MAF: variants seen among roughly 807,000 people sequenced by gnomAD.
The protein encoded by MAF is MAF bZIP transcription factor, also known as transcription factor Maf.
A neutral mutation model predicts 22.0 loss-of-function variants in MAF; 10 were observed. The observed-to-expected ratio is 0.45, with a 90% CI of 0.28 to 0.77. The LOEUF is 0.77. MAF is among the 30% of genes least tolerant of loss of function. The pLI, the probability that MAF is intolerant of heterozygous loss-of-function variation, is 0.12. For missense variants in MAF, 544 were observed against 548.4 expected (o/e 0.99, Z 0.08); for synonymous variants, 337 against 255.8 (o/e 1.32, Z -3.03).
chr16:79,439,256 A>T, the MAF span, among the ~76,000 whole-genome samples: 9 of 141,370 alleles, frequency 6.4e-5, no homozygotes, highest in Non-Finnish European at 9.2e-5. Context: ...GTAGGTACTT[A>T]CTTTTTTTTT....
chr16:79,255,948 A>G, the MAF span, among the ~76,000 whole-genome samples: 1 of 103,668 alleles, frequency 9.6e-6, no homozygotes, highest in African/African-American at 6.2e-5. Flanking sequence ...AGATGTCTTT[A>G]TCTTTTCTTT....
chr16:79,217,745 AG>A, the MAF span, among the ~76,000 whole-genome samples: 1 of 152,276 alleles, frequency 6.6e-6, no homozygotes, highest in East Asian at 1.9e-4. Context: ...CACCTGATTA[AG>A]GGAGACCTTG....
At chr16:79,494,157 G>A in the MAF span, among the ~76,000 whole-genome samples, 3 of 152,160 alleles carry the variant, frequency 2.0e-5, no homozygotes, top group African/African-American at 7.2e-5. Flanking sequence ...GAACTTTGTG[G>A]TGAAAAGCAA....
At chr16:79,467,733 C>T in the MAF span, among the ~76,000 whole-genome samples, 1 of 152,084 alleles carries the variant, frequency 6.6e-6, no homozygotes, top group East Asian at 1.9e-4. Context: ...TAACAAGCCC[C>T]CCAGTGATGC....
At chr16:79,392,823 C>T in the MAF span, among the ~76,000 whole-genome samples, 1 of 152,148 alleles carries the variant, frequency 6.6e-6, no homozygotes, top group Non-Finnish European at 1.5e-5. Context: ...GTTGCTTAAA[C>T]ACCTCTCAGG....
the MAF span, among the ~76,000 whole-genome samples, chr16:79,565,773 A>G: frequency 6.6e-6 from 1 of 152,220 alleles, no homozygotes; most frequent in Non-Finnish European, 1.5e-5. Context: ...GTTTATTAGT[A>G]TAAGAATGGA....
the MAF span, among the ~76,000 whole-genome samples, chr16:79,571,523 C>T: frequency 7.3e-5 from 10 of 136,148 alleles, no homozygotes; most frequent in Admixed American, 5.8e-4. Context: ...AAAAACATCT[C>T]AGCGGAATTT....
chr16:79,257,445 G>C, the MAF span, among the ~76,000 whole-genome samples: 1 of 152,026 alleles, frequency 6.6e-6, no homozygotes, highest in African/African-American at 2.4e-5. Context: ...ATTATCCTAA[G>C]GAAATAAAGA....
the MAF span, among the ~76,000 whole-genome samples, chr16:79,336,250 A>G: frequency 2.6e-5 from 4 of 152,238 alleles, no homozygotes; most frequent in Non-Finnish European, 5.9e-5. Context: ...ACATAAATGC[A>G]TTATAGACAC....
At chr16:79,377,905 G>T in the MAF span, among the ~76,000 whole-genome samples, 2 of 152,126 alleles carry the variant, frequency 1.3e-5, no homozygotes, top group Non-Finnish European at 2.9e-5. Context: ...TTTGGTACCA[G>T]TACCATGCTG....
the MAF span, among the ~76,000 whole-genome samples, chr16:79,533,066 G>C: frequency 6.6e-6 from 1 of 152,156 alleles, no homozygotes; most frequent in Non-Finnish European, 1.5e-5. Flanking sequence ...GGGTAACTTA[G>C]TGTCTTAGTT....
chr16:79,454,933 C>A, the MAF span, among the ~76,000 whole-genome samples: 3 of 152,030 alleles, frequency 2.0e-5, no homozygotes, highest in East Asian at 5.8e-4. Context: ...CCCATCTTTA[C>A]TAAAAATACA....
At chr16:79,356,500 C>T in the MAF span, among the ~76,000 whole-genome samples, 1 of 152,146 alleles carries the variant, frequency 6.6e-6, no homozygotes, top group Admixed American at 6.5e-5. Flanking sequence ...ACGTGCCTTC[C>T]ATCTCCTCAA....
the MAF span, among the ~76,000 whole-genome samples, chr16:79,439,365 C>T: frequency 2.6e-5 from 4 of 150,984 alleles, no homozygotes; most frequent in South Asian, 2.1e-4. Context: ...GGGTTCATGC[C>T]GTTCTCCTGT....
the MAF span, among the ~76,000 whole-genome samples, chr16:79,279,634 G>A: frequency 2.6e-5 from 4 of 152,274 alleles, no homozygotes; most frequent in East Asian, 7.7e-4. Flanking sequence ...AGATCTGACT[G>A]TACTAAAGTG....
At chr16:79,335,428 T>G in the MAF span, among the ~76,000 whole-genome samples, 2 of 152,222 alleles carry the variant, frequency 1.3e-5, no homozygotes, top group African/African-American at 2.4e-5. Context: ...AATGTGCATT[T>G]GAAATTTATA....
chr16:79,362,560 T>G, the MAF span, among the ~76,000 whole-genome samples: 1 of 152,200 alleles, frequency 6.6e-6, no homozygotes, highest in African/African-American at 2.4e-5. Flanking sequence ...GAAACAGATT[T>G]AGAAAGTTGC....
At chr16:79,357,812 T>G in the MAF span, among the ~76,000 whole-genome samples, 1 of 152,282 alleles carries the variant, frequency 6.6e-6, no homozygotes, top group Admixed American at 6.5e-5. Flanking sequence ...CCCTGCCCAG[T>G]GTCTGACATC....
the MAF span, among the ~76,000 whole-genome samples, chr16:79,429,528 C>T: frequency 6.6e-6 from 1 of 152,140 alleles, no homozygotes; most frequent in African/African-American, 2.4e-5. Context: ...CCAAAGGAAG[C>T]AGCAGAGAGA....
Sources: gnomAD v4.1 joint callset for allele counts (sites outside exome capture counted in the v4.1 genomes callset) on GRCh38, gnomAD v4.1.1 for gene constraint, MANE v1.5 for transcripts, NCBI Gene and HGNC (gene_info 2026-07-23, HGNC 2026-07-21) for gene names.